Variants in DLGAP2 observed in about 807,000 individuals in gnomAD.
DLGAP2 encodes DLG associated protein 2, also known as disks large-associated protein 2.
Under a neutral mutation model 100.3 loss-of-function variants are expected in DLGAP2, and 26 were observed. The ratio of observed to expected loss-of-function variants is 0.26; its 90% CI spans 0.19 to 0.36. DLGAP2 has a LOEUF of 0.36. DLGAP2 is among the 10% of genes least tolerant of loss of function. The probability of loss-of-function intolerance (pLI) is 1.00; values close to 1 mark genes in which losing one functional copy is unlikely to be tolerated. For synonymous variants in DLGAP2, 886 were observed against 630.1 expected (o/e 1.41, Z -6.08); for missense variants, 1,858 against 1,453.2 (o/e 1.28, Z -4.53).
intron 4 of DLGAP2, among the ~76,000 whole-genome samples, chr8:1,530,059 G>A (rs1800937388): frequency 6.6e-6 from 1 of 152,170 alleles, no homozygotes; most frequent in African/African-American, 2.4e-5. Flanking sequence ...GAAGTTTCGG[G>A]CACCACTGTC....
intron 3 of DLGAP2, among the ~76,000 whole-genome samples, chr8:1,368,395 GTA>G (rs940793731): frequency 2.7e-5 from 4 of 150,172 alleles, no homozygotes; most frequent in South Asian, 2.1e-4. Context: ...ATGTGTGTGG[GTA>G]TGTGTGTGTG....
intron 2 of DLGAP2, among the ~76,000 whole-genome samples, chr8:1,047,562 A>G (rs1278829979): frequency 2.0e-5 from 3 of 152,178 alleles, no homozygotes; most frequent in Non-Finnish European, 4.4e-5. Flanking sequence ...CTTATAAACA[A>G]CAGTATTTAT....
chr8:1,414,642 C>T (rs553926091), intron 3 of DLGAP2, among the ~76,000 whole-genome samples: 3 of 152,174 alleles, frequency 2.0e-5, no homozygotes, highest in Non-Finnish European at 4.4e-5. Flanking sequence ...AGGATCCCGC[C>T]ATCTACGCAC....
intron 6 of DLGAP2, chr8:1,604,788 A>C (rs1204810855): frequency 6.6e-6 from 1 of 152,056 alleles, no homozygotes. Context: ...TTATAAAGAA[A>C]AAAGCAATGT....
At chr8:956,197 C>T (rs1019595941) in intron 2 of DLGAP2, among the ~76,000 whole-genome samples, 3 of 152,198 alleles carry the variant, frequency 2.0e-5, no homozygotes, top group Non-Finnish European at 4.4e-5. Context: ...TCACGGGCTT[C>T]ACTTCCTGTG....
In DLGAP2 at chr8:1,669,840, C is replaced by A. The variant is rs376222161; in HGVS notation, c.2202+56C>A. On this transcript the variant is annotated intron_variant, in intron 10 of 14. Transcript: ENST00000637795. ...TCCGCATGACTTTCATTTTCTCTCC[C>A]TTTTTTGGATGTTCATGCGACCGCT... is the stretch of plus-strand genomic sequence containing the variant. The A allele has an allele frequency of 4.4e-5, 34 of 780,756 alleles. No homozygotes were observed. In the East Asian group the frequency reaches 4.6e-4, roughly 11 times the overall value. The allele number at this position is 780,756 out of a possible 1,614,324, so 48.4% of individuals were successfully genotyped here.
At chr8:1,338,922 C>G (rs77772980) in intron 3 of DLGAP2, among the ~76,000 whole-genome samples, 12,189 of 56,230 alleles carry the variant, frequency 0.22, 166 homozygotes, top group African/African-American at 0.37. Context: ...CAGGACCTGG[C>G]AGGGAATGCA....
intron 2 of DLGAP2, among the ~76,000 whole-genome samples, chr8:1,118,787 C>T (rs1230125526): frequency 2.6e-5 from 4 of 152,158 alleles, no homozygotes; most frequent in African/African-American, 9.7e-5. Context: ...TGATGGAAAA[C>T]GACCTTGGGT....
At chr8:1,692,440 G>A (rs185210727) in intron 13 of DLGAP2, among the ~76,000 whole-genome samples, 6 of 148,882 alleles carry the variant, frequency 4.0e-5, no homozygotes, top group African/African-American at 1.2e-4. Context: ...GTTTAAACGC[G>A]GTACCGAGGC....
chr8:1,638,941 C>A (rs1172580668), intron 8 of DLGAP2, among the ~76,000 whole-genome samples: 1 of 152,222 alleles, frequency 6.6e-6, no homozygotes, highest in Non-Finnish European at 1.5e-5. Flanking sequence ...GCCCAGAGAG[C>A]TGGGTCATGG....
At chr8:1,159,245 G>C (rs1274097088) in intron 2 of DLGAP2, among the ~76,000 whole-genome samples, 1 of 152,212 alleles carries the variant, frequency 6.6e-6, no homozygotes, top group African/African-American at 2.4e-5. Context: ...TTCCATCTAT[G>C]AAATCAAATT....
chr8:812,515 G>A (rs1334771007), intron 1 of DLGAP2, among the ~76,000 whole-genome samples: 1 of 152,160 alleles, frequency 6.6e-6, no homozygotes, highest in East Asian at 1.9e-4. Flanking sequence ...GGAGAAATCA[G>A]GTGTGGCATT....
At chr8:903,115 G>A (rs1199442221) in intron 1 of DLGAP2, among the ~76,000 whole-genome samples, 1 of 151,946 alleles carries the variant, frequency 6.6e-6, no homozygotes, top group Non-Finnish European at 1.5e-5. Flanking sequence ...GGCCGTCAGA[G>A]TCCCTATGAG....
intron 3 of DLGAP2, among the ~76,000 whole-genome samples, chr8:1,418,416 T>G (rs1235797268): frequency 6.6e-6 from 1 of 152,186 alleles, no homozygotes; most frequent in Non-Finnish European, 1.5e-5. Context: ...TCTGGCATGT[T>G]TTTAAAAAGA....
intron 8 of DLGAP2, among the ~76,000 whole-genome samples, chr8:1,652,353 C>T (rs999702690): frequency 1.3e-5 from 2 of 152,190 alleles, no homozygotes; most frequent in Non-Finnish European, 2.9e-5. Context: ...TCCACAGGGG[C>T]CGGGTTTTCC....
At chr8:1,693,152 T>G (rs200224725) in intron 13 of DLGAP2, among the ~76,000 whole-genome samples, 1 of 121,726 alleles carries the variant, frequency 8.2e-6, no homozygotes, top group Non-Finnish European at 1.7e-5. Flanking sequence ...AACAAATATA[T>G]AACATTAACT....
At chr8:1,373,850 ACAGACCCGCAGAG>A (rs1442484734) in intron 3 of DLGAP2, 3 of 152,420 alleles carry the variant, frequency 2.0e-5, no homozygotes, top group Middle Eastern at 3.4e-3. Context: ...TATGTGTATC[ACAGACCCGCAGAG>A]AATGCTCTCC....
intron 2 of DLGAP2, among the ~76,000 whole-genome samples, chr8:962,560 C>T (rs1440999220): frequency 6.6e-6 from 1 of 152,102 alleles, no homozygotes; most frequent in South Asian, 2.1e-4. Flanking sequence ...GACCTGTGCT[C>T]CCAGAGACTC....
At chr8:1,444,354 C>A (rs1022175524) in intron 3 of DLGAP2, among the ~76,000 whole-genome samples, 1 of 152,240 alleles carries the variant, frequency 6.6e-6, no homozygotes, top group Non-Finnish European at 1.5e-5. Context: ...GTTAACAACA[C>A]TACCAAATAC....
Sources: gnomAD v4.1 joint callset for allele counts (sites outside exome capture counted in the v4.1 genomes callset) on GRCh38, gnomAD v4.1.1 for gene constraint, MANE v1.5 for transcripts, NCBI Gene and HGNC (gene_info 2026-07-23, HGNC 2026-07-21) for gene names.